The following TMEM17 variants were observed in gnomAD, a reference collection of about 807,000 sequenced individuals.
TMEM17 encodes transmembrane protein 17.
In TMEM17, 15 loss-of-function variants were observed where a neutral mutation model predicts 19.1. The observed-to-expected ratio is 0.78, with a 90% CI of 0.52 to 1.21. The LOEUF (loss-of-function observed/expected upper bound fraction) is 1.21, where lower values mean the gene tolerates loss of function less well. Among genes scored for constraint, TMEM17 ranks in the 50% most tolerant of loss-of-function variants. The pLI, the probability that TMEM17 is intolerant of heterozygous loss-of-function variation, is 0.00. For missense variants in TMEM17, 245 were observed against 242.3 expected (o/e 1.01, Z -0.07); for synonymous variants, 103 against 86.9 (o/e 1.19, Z -1.03).
chr2:62,462,626 C>T, the TMEM17 span, among the ~76,000 whole-genome samples: 2 of 152,188 alleles, frequency 1.3e-5, no homozygotes, highest in Admixed American at 6.5e-5. Flanking sequence ...TCAGGGGAAG[C>T]ACTTGAGCTG....
chr2:62,494,851 C>T, the TMEM17 span, among the ~76,000 whole-genome samples: 1 of 151,926 alleles, frequency 6.6e-6, no homozygotes, highest in South Asian at 2.1e-4. Flanking sequence ...AACACACACA[C>T]ACACAAAAAG....
At chr2:62,495,075 C>T in the TMEM17 span, among the ~76,000 whole-genome samples, 1 of 152,170 alleles carries the variant, frequency 6.6e-6, no homozygotes, top group African/African-American at 2.4e-5. Context: ...AGACTTAGGT[C>T]TGTGGAACAA....
the TMEM17 span, among the ~76,000 whole-genome samples, chr2:62,487,358 T>C: frequency 1.3e-5 from 2 of 152,222 alleles, no homozygotes; most frequent in African/African-American, 2.4e-5. Context: ...TTCGGTTCTC[T>C]TGTGATTGCA....
the TMEM17 span, among the ~76,000 whole-genome samples, chr2:62,479,109 A>G: frequency 6.6e-6 from 1 of 152,226 alleles, no homozygotes; most frequent in Non-Finnish European, 1.5e-5. Flanking sequence ...TTGAAACTAT[A>G]TATTATTGTT....
chr2:62,487,493 A>G, the TMEM17 span, among the ~76,000 whole-genome samples: 1 of 152,206 alleles, frequency 6.6e-6, no homozygotes, highest in African/African-American at 2.4e-5. Context: ...GGATGTAGAC[A>G]TCTCTAGGGG....
At chr2:62,496,611 C>G (rs147923464), downstream of TMEM17, among the ~76,000 whole-genome samples, 22 of 152,250 alleles carry the variant, frequency 1.4e-4, no homozygotes, top group African/African-American at 5.3e-4. Flanking sequence ...GTAAAAACAT[C>G]AAAGAAACAT....
At chr2:62,491,441 C>G in the TMEM17 span, 1 of 152,196 alleles carries the variant, frequency 6.6e-6, no homozygotes, top group Non-Finnish European at 1.5e-5. Context: ...GCACTCCAGC[C>G]CGGGCAACAT....
At chr2:62,468,761 G>A in the TMEM17 span, among the ~76,000 whole-genome samples, 1 of 152,240 alleles carries the variant, frequency 6.6e-6, no homozygotes, top group African/African-American at 2.4e-5. Flanking sequence ...TGCCAGCAAG[G>A]CCGATTCAGG....
the TMEM17 span, among the ~76,000 whole-genome samples, chr2:62,469,555 G>T: frequency 1.3e-5 from 2 of 152,182 alleles, no homozygotes; most frequent in African/African-American, 4.8e-5. Context: ...CTCTTTCCAA[G>T]GAATTTTATT....
At chr2:62,466,072 A>G in the TMEM17 span, among the ~76,000 whole-genome samples, 2 of 152,166 alleles carry the variant, frequency 1.3e-5, no homozygotes, top group East Asian at 3.8e-4. Flanking sequence ...CCAAATCAGG[A>G]GGGGTCCCCA....
At chr2:62,492,174 G>A in the TMEM17 span, among the ~76,000 whole-genome samples, 1 of 152,126 alleles carries the variant, frequency 6.6e-6, no homozygotes, top group Admixed American at 6.5e-5. Flanking sequence ...TTTAGAGAGA[G>A]GGAGCACTGC....
the TMEM17 span, among the ~76,000 whole-genome samples, chr2:62,490,018 T>C: frequency 1.3e-5 from 2 of 151,900 alleles, no homozygotes; most frequent in Non-Finnish European, 2.9e-5. Flanking sequence ...CTAGTAAAAA[T>C]ACAAAAAATT....
At chr2:62,502,624 A>T in intron 2 of TMEM17, 67 bp downstream of exon 2, 1 of 1,465,372 alleles carries the variant, frequency 6.8e-7, no homozygotes, top group Middle Eastern at 1.8e-4. Flanking sequence ...AAAAATTATT[A>T]AGAACTTGAA....
chr2:62,456,635 A>G, the TMEM17 span, among the ~76,000 whole-genome samples: 26 of 152,288 alleles, frequency 1.7e-4, no homozygotes, highest in Non-Finnish European at 3.7e-4. Context: ...GGGGGCCATC[A>G]TTCAGCCCAC....
At chr2:62,458,550 G>A in the TMEM17 span, among the ~76,000 whole-genome samples, 1 of 152,226 alleles carries the variant, frequency 6.6e-6, no homozygotes, top group Non-Finnish European at 1.5e-5. Context: ...AATGGGCAGA[G>A]CGTGACCCAT....
chr2:62,505,751 C>G (rs1472744498), intron 1 of TMEM17, among the ~76,000 whole-genome samples: 1 of 152,094 alleles, frequency 6.6e-6, no homozygotes, highest in African/African-American at 2.4e-5. Flanking sequence ...AATGATGGGC[C>G]TTGCGCGGCA....
the TMEM17 span, among the ~76,000 whole-genome samples, chr2:62,458,569 A>G: frequency 1.3e-5 from 2 of 152,234 alleles, no homozygotes; most frequent in African/African-American, 2.4e-5. Context: ...ATCTCGAAGC[A>G]TTGTGGTAAC....
At chr2:62,475,555 C>T in the TMEM17 span, among the ~76,000 whole-genome samples, 1 of 152,228 alleles carries the variant, frequency 6.6e-6, no homozygotes, top group Non-Finnish European at 1.5e-5. Flanking sequence ...TTTGCCAGAC[C>T]CCATATAAAC....
the TMEM17 span, among the ~76,000 whole-genome samples, chr2:62,481,340 CAG>C: frequency 2.0e-5 from 3 of 152,138 alleles, no homozygotes; most frequent in Non-Finnish European, 2.9e-5. Flanking sequence ...AGGTTTTTGG[CAG>C]AGTCTACAGG....
Sources: gnomAD v4.1 joint callset for allele counts (sites outside exome capture counted in the v4.1 genomes callset) on GRCh38, gnomAD v4.1.1 for gene constraint, MANE v1.5 for transcripts, NCBI Gene and HGNC (gene_info 2026-07-23, HGNC 2026-07-21) for gene names.